The following RNMT variants were observed in gnomAD, a reference collection of about 807,000 sequenced individuals.
The protein encoded by RNMT is mRNA cap guanine-N(7) methyltransferase.
RNMT carries 27 observed loss-of-function variants against 56.0 expected under a neutral mutation model. That is an observed-to-expected ratio of 0.48 (90% CI 0.36 to 0.67). RNMT has a LOEUF of 0.67. Ranked by LOEUF, RNMT falls within the 30% of genes least tolerant of loss-of-function variation. The probability of loss-of-function intolerance (pLI) is 0.00; values close to 1 mark genes in which losing one functional copy is unlikely to be tolerated. For missense variants in RNMT, 519 were observed against 552.1 expected (o/e 0.94, Z 0.60); for synonymous variants, 184 against 176.2 (o/e 1.04, Z -0.35).
chr18:13,756,898 T>G (rs1039621819), intron 11 of RNMT, among the ~76,000 whole-genome samples: 1 of 152,174 alleles, frequency 6.6e-6, no homozygotes, highest in Non-Finnish European at 1.5e-5. Flanking sequence ...AACATCCTTG[T>G]GATGTTTGCA....
chr18:13,731,942 C>A lies in RNMT; in HGVS notation c.417+8C>A. Reference sequence around the variant, plus strand: ...GTTCCTGAAAAGCAGAAAGTATGTTCAGTGTATTTTCATTTATTCATAATA... The same window carrying A: ...GTTCCTGAAAAGCAGAAAGTATGTTAAGTGTATTTTCATTTATTCATAATA... On this transcript the variant is annotated splice_region_variant and intron_variant, in intron 3 of 11. Coordinates refer to ENST00000383314, the MANE Select transcript of RNMT (RefSeq NM_003799.3). The A allele has an allele frequency of 1.3e-6, 2 of 1,575,030 alleles. No homozygotes were observed. The highest frequency in any genetic ancestry group is 1.2e-5 in the South Asian group (1 of 83,766).
At chr18:13,749,594 G>T (rs1269487391) in intron 9 of RNMT, among the ~76,000 whole-genome samples, 2 of 152,134 alleles carry the variant, frequency 1.3e-5, no homozygotes, top group Non-Finnish European at 2.9e-5. Context: ...CTGGTTTGTT[G>T]CAATAAGACA....
chr18:13,729,878 C>T (rs1469772358), intron 1 of RNMT, among the ~76,000 whole-genome samples: 1 of 151,876 alleles, frequency 6.6e-6, no homozygotes, highest in African/African-American at 2.4e-5. Context: ...TGGCTCACTG[C>T]AGCCTGGACC....
Position 13,763,469 on chromosome 18 carries a change from C to T in RNMT, c.*3490C>T, listed in dbSNP as rs1160373657. 1 of 191,144 alleles carries T rather than the reference C, an allele frequency of 5.2e-6. No homozygotes were observed. The highest frequency in any genetic ancestry group is 2.3e-5 in the African/African-American group (1 of 43,658). The allele number at this position is 191,144 out of a possible 1,614,324, so 11.8% of individuals were successfully genotyped here. A position where few individuals can be genotyped will look rare whatever the true frequency, so the allele number is the denominator to read the frequency against. On this transcript the variant is annotated 3_prime_UTR_variant, in exon 12 of 12. Transcript: ENST00000383314. ...GTACTCTCCAGTTTGGCTGTGGAGA[C>T]TTGAGCAAGCCCTAAAGTCCCCTGC...
At position 13,760,815 on chromosome 18, in the gene RNMT, C is replaced by G. The variant is rs187623489; in HGVS notation, c.*836C>G. ...TACATGGAACTGCAGTAGGAATATT[C>G]TCACCATCTGATGCCATGTACCCAC... On this transcript the variant is annotated 3_prime_UTR_variant, in exon 12 of 12. Transcript: ENST00000383314. 282 of 985,432 alleles carry G rather than the reference C, an allele frequency of 2.9e-4. No homozygotes were observed. Among genetic ancestry groups the G allele is most frequent in the Non-Finnish European group, 3.2e-4 (267 of 829,912 alleles). The allele number at this position is 985,432 out of a possible 1,614,324, so 61.0% of individuals were successfully genotyped here.
At chr18:13,727,307 CG>C (rs1416340505) in intron 1 of RNMT, among the ~76,000 whole-genome samples, 2 of 152,188 alleles carry the variant, frequency 1.3e-5, no homozygotes, top group East Asian at 3.8e-4. Flanking sequence ...ACTGGAAAGC[CG>C]GGTCGAAATG....
Position 13,731,765 on chromosome 18 carries a change from A to G in RNMT, c.248A>G (p.Lys83Arg), listed in dbSNP as rs1377705899. The G allele has an allele frequency of 1.9e-6, 3 of 1,612,776 alleles. No homozygotes were observed. The highest frequency in any genetic ancestry group is 1.1e-5 in the South Asian group (1 of 90,656). ...CGKDTPSKKR[K>R]LDPEIVPEEK... ...AAAGACACTCCATCCAAGAAGAGAAAACTTGATCCTGAAATTGTCCCAGAG... is the reference window on the plus strand; with the variant it reads ...AAAGACACTCCATCCAAGAAGAGAAGACTTGATCCTGAAATTGTCCCAGAG... Residue 83 changes from lysine (K) to arginine (R), a missense_variant, in exon 3 of 12, where the codon AAA (lysine) becomes AGA (arginine). By Grantham distance (26) the Lys-to-Arg change is conservative (BLOSUM62 2). Coordinates refer to ENST00000383314, the MANE Select transcript of RNMT (RefSeq NM_003799.3).
intron 9 of RNMT, among the ~76,000 whole-genome samples, chr18:13,749,745 C>A (rs68098007): frequency 0.23 from 35,289 of 151,938 alleles, 4,956 homozygotes; most frequent in East Asian, 0.36. Flanking sequence ...GTTGGGGAGA[C>A]AGAGTCTCGC....
intron 9 of RNMT, among the ~76,000 whole-genome samples, chr18:13,747,084 A>C (rs1298308562): frequency 6.6e-6 from 1 of 152,238 alleles, no homozygotes; most frequent in Non-Finnish European, 1.5e-5. Context: ...GTAGAATCAT[A>C]TTCATCAAAT....
At chr18:13,729,959 C>T (rs1311448018) in intron 1 of RNMT, among the ~76,000 whole-genome samples, 1 of 152,068 alleles carries the variant, frequency 6.6e-6, no homozygotes, top group Non-Finnish European at 1.5e-5. Flanking sequence ...CCACCATGCC[C>T]AGCTATTTTT....
intron 4 of RNMT, among the ~76,000 whole-genome samples, chr18:13,736,742 T>TAA (rs2044163558): frequency 6.6e-6 from 1 of 152,232 alleles, no homozygotes; most frequent in Non-Finnish European, 1.5e-5. Context: ...ATCTGCTATT[T>TAA]AAAATTCATT....
rs758827042 is a variant in RNMT at position 13,742,595 on chromosome 18, A to G, written c.1082A>G (p.Asn361Ser). 1 of 1,613,870 alleles carries G rather than the reference A, an allele frequency of 6.2e-7. No individual in the cohort carries two copies. The highest frequency in any genetic ancestry group is 1.3e-5 in the African/African-American group (1 of 75,046). The change falls in exon 8 of 12, where the codon AAC becomes AGC. Residue 361 changes from asparagine to serine, a missense_variant. By Grantham distance (46) the Asn-to-Ser change is conservative. Coordinates refer to ENST00000383314, the MANE Select transcript of RNMT (RefSeq NM_003799.3). ...TTATTTGGCTGCAAATATGACTTCA[A>G]CTTGGAAGGTGTTGTGGATGTTCCT... Reference protein sequence around the residue: ...YPLFGCKYDFNLEGVVDVPEF... With the variant: ...YPLFGCKYDFSLEGVVDVPEF...
At chr18:13,758,853 C>G (rs573793909) in intron 11 of RNMT, among the ~76,000 whole-genome samples, 36 of 152,248 alleles carry the variant, frequency 2.4e-4, no homozygotes, top group African/African-American at 7.5e-4. Context: ...TGCAAGTCTT[C>G]CTTTCACTTG....
chr18:13,739,157 A>C (rs2044212981), intron 5 of RNMT, among the ~76,000 whole-genome samples: 1 of 152,226 alleles, frequency 6.6e-6, no homozygotes, highest in Non-Finnish European at 1.5e-5. Flanking sequence ...CTCAGAAAAA[A>C]AGTGGCCAGT....
chr18:13,752,463 TG>T (rs2044466269), intron 10 of RNMT, 36 bp downstream of exon 10: 1 of 1,310,038 alleles, frequency 7.6e-7, no homozygotes, highest in Non-Finnish European at 1.1e-6. Context: ...TTATAGAGAA[TG>T]AAAAAAAGAA....
chr18:13,753,012 CT>C (rs2044477481), intron 10 of RNMT, among the ~76,000 whole-genome samples: 1 of 152,090 alleles, frequency 6.6e-6, no homozygotes, highest in Non-Finnish European at 1.5e-5. Flanking sequence ...CAACACATAT[CT>C]TTAATATTTT....
chr18:13,761,905 G>T lies in RNMT; in HGVS notation c.*1926G>T. On this transcript the variant is annotated 3_prime_UTR_variant, in exon 12 of 12. Transcript: ENST00000383314. ...TGTTACAATTAAGTTTCTGGATATT[G>T]ACTTAAGAACTGTTAGGAAGAGGAC... 32 of 1,055,398 alleles carry T rather than the reference G, an allele frequency of 3.0e-5. No homozygotes were observed. Among genetic ancestry groups the T allele is most frequent in the East Asian group, 1.2e-4 (1 of 8,274 alleles). 65.4% of individuals were successfully genotyped at this position (1,055,398 alleles called of 1,614,324 possible). A position where few individuals can be genotyped will look rare whatever the true frequency, so the allele number is the denominator to read the frequency against.
chr18:13,742,669 CTGT>C lies in RNMT; in HGVS notation c.1139+19_1139+21del, dbSNP rs754576714. 6.4e-7 allele frequency: 1 copy of C among 1,573,774 alleles called. No homozygotes were observed. The highest frequency in any genetic ancestry group is 1.2e-5 in the South Asian group (1 of 85,346). ...GCTAAATGAGTAAGAAGTCATTAATCTGTTCACTCTTTTCTTTTTGTCTTAAGG... is the reference window on the plus strand; with the variant it reads ...GCTAAATGAGTAAGAAGTCATTAATCTCACTCTTTTCTTTTTGTCTTAAGG... On this transcript the variant is annotated intron_variant, in intron 8 of 11. Coordinates refer to ENST00000383314, the MANE Select transcript of RNMT (RefSeq NM_003799.3).
At chr18:13,741,421 A>AT in intron 6 of RNMT, 89 bp from the exon 7 acceptor site, 2 of 791,440 alleles carry the variant, frequency 2.5e-6, no homozygotes, top group Non-Finnish European at 4.1e-6. Context: ...GAAAGGAAGA[A>AT]CCTTACATTC....
Sources: gnomAD v4.1 joint callset for allele counts (sites outside exome capture counted in the v4.1 genomes callset) on GRCh38, gnomAD v4.1.1 for gene constraint, MANE v1.5 for transcripts, NCBI Gene and HGNC (gene_info 2026-07-23, HGNC 2026-07-21) for gene names.